GALNT10: variants seen among roughly 807,000 people sequenced by gnomAD.
The protein encoded by GALNT10 is polypeptide N-acetylgalactosaminyltransferase 10.
A neutral mutation model predicts 75.0 loss-of-function variants in GALNT10; 41 were observed. The ratio of observed to expected loss-of-function variants is 0.55; its 90% CI spans 0.43 to 0.71. The LOEUF (loss-of-function observed/expected upper bound fraction) is 0.71. Ranked by LOEUF, GALNT10 falls within the 30% of genes least tolerant of loss-of-function variation. The pLI, the probability that GALNT10 is intolerant of heterozygous loss-of-function variation, is 0.00. For missense variants in GALNT10, 727 were observed against 818.5 expected, an observed-to-expected ratio of 0.89 and a Z score of 1.36; for synonymous variants, 302 against 313.0, an observed-to-expected ratio of 0.96 and a Z score of 0.37.
At chr5:154,215,097 T>C (rs998563845) in intron 1 of GALNT10, among the ~76,000 whole-genome samples, 1 of 152,248 alleles carries the variant, frequency 6.6e-6, no homozygotes, top group Non-Finnish European at 1.5e-5. Flanking sequence ...CCTTTATTTT[T>C]AGAAACAGAG....
chr5:154,386,237 A>G lies in GALNT10; in HGVS notation c.939-76A>G. On this transcript the variant is annotated intron_variant, in intron 6 of 11. Transcript: ENST00000297107. ...AGCATGGAACACCGCCGCTGGGGGAATGGCATTATCGGGCCACATGAGAGC... is the reference window on the plus strand; with the variant it reads ...AGCATGGAACACCGCCGCTGGGGGAGTGGCATTATCGGGCCACATGAGAGC... The G allele has an allele frequency of 8.9e-6, 9 of 1,010,170 alleles. No individual in the cohort carries two copies. The South Asian group carries it at 9.9e-5, about 11-fold the overall frequency. The allele number at this position is 1,010,170 out of a possible 1,614,324, so 62.6% of individuals were successfully genotyped here. A position where few individuals can be genotyped will look rare whatever the true frequency, so the allele number is the denominator to read the frequency against.
At chr5:154,362,990 C>T (rs994816226) in intron 4 of GALNT10, among the ~76,000 whole-genome samples, 17 of 152,240 alleles carry the variant, frequency 1.1e-4, no homozygotes, top group African/African-American at 4.1e-4. Flanking sequence ...GGCAGAAGAA[C>T]TCTCTCCCAA....
chr5:154,302,781 CAGTT>C (rs1554097788), intron 3 of GALNT10, among the ~76,000 whole-genome samples: 1 of 152,190 alleles, frequency 6.6e-6, no homozygotes, highest in Non-Finnish European at 1.5e-5. Flanking sequence ...TAAATTAACA[CAGTT>C]AATTTATGAC....
intron 6 of GALNT10, among the ~76,000 whole-genome samples, chr5:154,385,061 C>G (rs756146922): frequency 6.6e-6 from 1 of 152,202 alleles, no homozygotes; most frequent in African/African-American, 2.4e-5. Flanking sequence ...GCTTGGGCAG[C>G]TTTTGGGTTG....
Position 154,219,832 on chromosome 5 carries a change from T to TCACACACACACA in GALNT10, c.159+28808_159+28809insACACACACACAC, listed in dbSNP as rs775014222. Among the ~76,000 whole-genome samples the TCACACACACACA allele has an allele frequency of 4.6e-3, 366 of 80,174 alleles. 1 individual carries two copies. The highest frequency in any genetic ancestry group is 0.014 in the East Asian group (13 of 900). The allele number at this position is 80,174 out of a possible 152,430, so 52.6% of individuals were successfully genotyped here. ...CTCGCGCTCTCTCTCTCTCTCTCTC[T>TCACACACACACA]CTCTCTCACACACACACACACACAC... On this transcript the variant is annotated intron_variant, in intron 1 of 11. Coordinates refer to ENST00000297107, the MANE Select transcript of GALNT10 (RefSeq NM_198321.4).
chr5:154,243,252 C>T (rs2122896), intron 1 of GALNT10, among the ~76,000 whole-genome samples: 96,283 of 152,114 alleles, frequency 0.63, 31,122 homozygotes, highest in East Asian at 0.86. Context: ...TATCCTCCCT[C>T]GGGAACAGGG....
At position 154,412,526 on chromosome 5, in the gene GALNT10, C is replaced by G; in HGVS notation, c.1387-363C>G. 3.6e-6 allele frequency: 1 copy of G among 276,068 alleles called. No homozygotes were observed. Among genetic ancestry groups the G allele is most frequent in the South Asian group, 3.5e-5 (1 of 28,588 alleles). 17.1% of individuals were successfully genotyped at this position (276,068 alleles called of 1,614,324 possible). On this transcript the variant is annotated intron_variant, in intron 9 of 11. Coordinates refer to ENST00000297107, the MANE Select transcript of GALNT10 (RefSeq NM_198321.4). This position sits in a 1 kb window ranked among gnomAD's most constrained non-coding sequence, Gnocchi z 4.2. ...AGGTATGGTCCCTGGACCACCTGCA[C>G]CTGAGTCACCTGGAATGGGGGTAAA...
chr5:154,407,927 G>A (rs753685389), intron 8 of GALNT10, among the ~76,000 whole-genome samples: 3 of 152,148 alleles, frequency 2.0e-5, no homozygotes, highest in Non-Finnish European at 4.4e-5. Flanking sequence ...TCTTCAGTGC[G>A]GGGGCCTCCC....
At chr5:154,304,813 C>A (rs760053022) in intron 3 of GALNT10, among the ~76,000 whole-genome samples, 14 of 152,146 alleles carry the variant, frequency 9.2e-5, no homozygotes, top group Non-Finnish European at 1.2e-4. Flanking sequence ...TCGTAAGGTT[C>A]TCATAGTACG....
chr5:154,367,942 G>A (rs1316888748), intron 4 of GALNT10, among the ~76,000 whole-genome samples: 2 of 152,118 alleles, frequency 1.3e-5, no homozygotes, highest in South Asian at 2.1e-4. Flanking sequence ...CAGGAAACAT[G>A]GGATTCTGGT....
At chr5:154,290,258 A>ATTTTTTTTTTTTTTTTTTTTT (rs71577131) in intron 1 of GALNT10, among the ~76,000 whole-genome samples, 1 of 98,916 alleles carries the variant, frequency 1.0e-5, no homozygotes, top group Non-Finnish European at 1.9e-5. Flanking sequence ...CACTCAGCTA[A>ATTTTTTTTTTTTTTTTTTTTT]TTTTTTTTTT....
At chr5:154,400,779 T>A (rs923261451) in intron 7 of GALNT10, among the ~76,000 whole-genome samples, 11 of 152,030 alleles carry the variant, frequency 7.2e-5, no homozygotes, top group Non-Finnish European at 1.3e-4. Context: ...GGGAGGAGTC[T>A]ATGAGGGGAG....
At chr5:154,222,344 C>CTAAT (rs1331614504) in intron 1 of GALNT10, among the ~76,000 whole-genome samples, 3 of 151,758 alleles carry the variant, frequency 2.0e-5, no homozygotes, top group Non-Finnish European at 2.9e-5. Flanking sequence ...CATGGATAGA[C>CTAAT]TAATTCATTT....
rs956474659 is a variant in GALNT10 at position 154,329,844 on chromosome 5, C to G, written c.568+106C>G. 4.2e-6 allele frequency: 3 copies of G among 714,342 alleles called. No homozygotes were observed. The East Asian group carries it at 8.2e-5, about 19-fold the overall frequency. The allele number at this position is 714,342 out of a possible 1,614,324, so 44.3% of individuals were successfully genotyped here. On this transcript the variant is annotated intron_variant, in intron 4 of 11. Coordinates refer to ENST00000297107, the MANE Select transcript of GALNT10 (RefSeq NM_198321.4). The stretch of plus-strand genomic sequence containing the variant: ...TTAGCAGCATCAACATATAGGCCAT[C>G]ATTGGCTAAATGCCTGGACGTTGCA...
rs145536423 is a variant in GALNT10 at position 154,334,236 on chromosome 5, G to A, written c.568+4498G>A. Among the ~76,000 whole-genome samples the A allele has an allele frequency of 2.1e-4, 32 of 152,314 alleles. 1 individual carries two copies. In the East Asian group the frequency reaches 4.6e-3, roughly 22 times the overall value. On this transcript the variant is annotated intron_variant, in intron 4 of 11. Coordinates refer to ENST00000297107, the MANE Select transcript of GALNT10 (RefSeq NM_198321.4). ...ACAAAATTGGAGCAAATGAATTCTC[G>A]AAATAAGATCCAGAGCTTTGTGCAG...
rs1418507240 is a variant in GALNT10, at chr5:154,277,338, A to G, written c.160-17478A>G. On this transcript the variant is annotated intron_variant, in intron 1 of 11. Coordinates refer to ENST00000297107, the MANE Select transcript of GALNT10 (RefSeq NM_198321.4). Reference sequence around the variant, plus strand: ...CATAGAGGAGGAAGAAGGATGAGAAATAAGTATGAAAGAGTACAAGTCTCT... The same window carrying G: ...CATAGAGGAGGAAGAAGGATGAGAAGTAAGTATGAAAGAGTACAAGTCTCT... Among the ~76,000 whole-genome samples the G allele has an allele frequency of 3.3e-5, 5 of 152,044 alleles. No individual in the cohort carries two copies. The East Asian group carries it at 7.8e-4, about 24-fold the overall frequency.
At chr5:154,294,249 A>T (rs1024725868) in intron 1 of GALNT10, among the ~76,000 whole-genome samples, 1 of 152,228 alleles carries the variant, frequency 6.6e-6, no homozygotes. Context: ...ATGGAGAATC[A>T]TTTGAGCCCT....
Position 154,202,788 on chromosome 5 carries a change from G to T in GALNT10, c.159+11763G>T, listed in dbSNP as rs1455583931. 2.0e-5 allele frequency among the ~76,000 whole-genome samples: 3 copies of T among 152,208 alleles called. No individual in the cohort carries two copies. In the East Asian group the frequency reaches 5.8e-4, roughly 29 times the overall value. ...CCCTCGGGGCGGTTGTCAGACACTG[G>T]TGTGGTGTGAGCTATCTTTCCCGCT... On this transcript the variant is annotated intron_variant, in intron 1 of 11. Coordinates refer to ENST00000297107, the MANE Select transcript of GALNT10 (RefSeq NM_198321.4).
chr5:154,239,989 T>A (rs1003510102), intron 1 of GALNT10, among the ~76,000 whole-genome samples: 1 of 152,214 alleles, frequency 6.6e-6, no homozygotes, highest in Admixed American at 6.5e-5. Flanking sequence ...AGAAGAGACA[T>A]TTGGGACTTG....
Sources: allele counts gnomAD v4.1 joint callset (sites outside exome capture counted in the v4.1 genomes callset), GRCh38; gene constraint gnomAD v4.1.1; non-coding constraint Gnocchi (gnomAD v3.1); transcripts MANE v1.5; gene names NCBI Gene and HGNC (gene_info 2026-07-23, HGNC 2026-07-21).